FNBP1: variants seen among roughly 807,000 people sequenced by gnomAD.
FNBP1 encodes the protein formin binding protein 1.
In FNBP1, 26 loss-of-function variants were observed where a neutral mutation model predicts 90.6. That is an observed-to-expected ratio of 0.29 (90% confidence interval 0.21 to 0.40). The LOEUF (loss-of-function observed/expected upper bound fraction) is 0.40. Among genes scored for constraint, FNBP1 ranks in the 10% least tolerant of loss-of-function variants. FNBP1 has a pLI of 1.00. For missense variants in FNBP1, 635 were observed against 768.0 expected, an observed-to-expected ratio of 0.83 and a Z score of 2.05; for synonymous variants, 260 against 265.2, an observed-to-expected ratio of 0.98 and a Z score of 0.19.
chr9:130,030,187 C>T (rs977086589), intron 1 of FNBP1, among the ~76,000 whole-genome samples: 3 of 152,078 alleles, frequency 2.0e-5, no homozygotes, highest in African/African-American at 7.2e-5. Context: ...GTAATCCCAG[C>T]ACTTTGGGAG....
intron 6 of FNBP1, among the ~76,000 whole-genome samples, chr9:129,933,199 T>A (rs2043002511): frequency 6.6e-6 from 1 of 152,170 alleles, no homozygotes; most frequent in South Asian, 2.1e-4. Context: ...GCCATCATTA[T>A]ATATAATATG....
chr9:129,902,190 T>C (rs7035587), intron 13 of FNBP1, among the ~76,000 whole-genome samples: 85,290 of 151,948 alleles, frequency 0.56, 24,240 homozygotes, highest in East Asian at 0.78. Context: ...AACAATTGTA[T>C]ATTTCAGGGG....
intron 1 of FNBP1, among the ~76,000 whole-genome samples, chr9:130,001,361 T>G (rs2054828042): frequency 6.7e-6 from 1 of 149,808 alleles, no homozygotes; most frequent in Non-Finnish European, 1.5e-5. Flanking sequence ...AAGAATATAG[T>G]AGTTACCAGT....
At chr9:130,004,787 C>T (rs1204936454) in intron 1 of FNBP1, among the ~76,000 whole-genome samples, 6 of 151,994 alleles carry the variant, frequency 3.9e-5, no homozygotes, top group African/African-American at 9.7e-5. Flanking sequence ...CTTTACAGGC[C>T]GGGCGTGGTG....
the FNBP1 span, among the ~76,000 whole-genome samples, chr9:130,049,219 T>C: frequency 6.6e-6 from 1 of 152,044 alleles, no homozygotes; most frequent in Non-Finnish European, 1.5e-5. Context: ...AAAAACCTGG[T>C]GTCCACAAAA....
chr9:129,928,052 C>A (rs2042177914), intron 7 of FNBP1, among the ~76,000 whole-genome samples: 1 of 152,200 alleles, frequency 6.6e-6, no homozygotes, highest in Non-Finnish European at 1.5e-5. Context: ...GCTAGTGTAT[C>A]TTCCAACTAT....
chr9:130,052,919 A>C, the FNBP1 span, among the ~76,000 whole-genome samples: 39 of 151,902 alleles, frequency 2.6e-4, no homozygotes, highest in East Asian at 7.3e-3. Flanking sequence ...GTTCGAGACC[A>C]GCCTGGCCAA....
chr9:129,926,088 C>T (rs959841730), intron 8 of FNBP1, among the ~76,000 whole-genome samples: 1 of 152,058 alleles, frequency 6.6e-6, no homozygotes, highest in Admixed American at 6.6e-5. Flanking sequence ...TCTCGTGCCT[C>T]AGCCTCCCGA....
At chr9:130,003,651 C>T (rs987614043) in intron 1 of FNBP1, among the ~76,000 whole-genome samples, 5 of 150,418 alleles carry the variant, frequency 3.3e-5, no homozygotes, top group Admixed American at 6.6e-5. Flanking sequence ...TGGCCAGGCA[C>T]GGTGGCTCAC....
At chr9:130,011,900 A>T (rs1015517385) in intron 1 of FNBP1, among the ~76,000 whole-genome samples, 5 of 152,232 alleles carry the variant, frequency 3.3e-5, no homozygotes, top group Non-Finnish European at 7.3e-5. Flanking sequence ...TTTCTGGAGA[A>T]CAAAATTCTA....
intron 2 of FNBP1, among the ~76,000 whole-genome samples, chr9:129,993,824 C>A (rs994278575): frequency 2.0e-5 from 3 of 151,652 alleles, no homozygotes; most frequent in Non-Finnish European, 2.9e-5. Flanking sequence ...GGGGTTTCAC[C>A]ATGTTGGCCA....
At chr9:129,896,515 C>T (rs1273107987) in intron 15 of FNBP1, among the ~76,000 whole-genome samples, 1 of 152,164 alleles carries the variant, frequency 6.6e-6, no homozygotes, top group African/African-American at 2.4e-5. Context: ...TCCCGAGCAG[C>T]TGAGACTATA....
intron 1 of FNBP1, among the ~76,000 whole-genome samples, chr9:130,034,989 A>G (rs1036661422): frequency 6.6e-6 from 1 of 152,208 alleles, no homozygotes; most frequent in African/African-American, 2.4e-5. Context: ...TCTACAAAAA[A>G]AATACAAAAA....
In FNBP1 at chr9:129,966,476, C is replaced by A. The variant is rs2133118981; in HGVS notation, c.346-7923G>T. Reference sequence around the variant, plus strand: ...GGATGCAGTGGCTCACGCCTGTAATCCCAGCACTTTGGGAGGTCGAGATGG... The same window carrying A: ...GGATGCAGTGGCTCACGCCTGTAATACCAGCACTTTGGGAGGTCGAGATGG... On this transcript the variant is annotated intron_variant, in intron 4 of 16. Coordinates refer to ENST00000446176, the MANE Select transcript of FNBP1 (RefSeq NM_015033.3). This position sits in a 1 kb window ranked among gnomAD's most constrained non-coding sequence, Gnocchi z 4.3. 6.6e-6 allele frequency among the ~76,000 whole-genome samples: 1 copy of A among 152,238 alleles called. No homozygotes were observed. Among genetic ancestry groups the A allele is most frequent in the South Asian group, 2.1e-4 (1 of 4,830 alleles).
intron 4 of FNBP1, among the ~76,000 whole-genome samples, chr9:129,960,757 ATT>A (rs2047687611): frequency 6.6e-6 from 1 of 152,050 alleles, no homozygotes; most frequent in Admixed American, 6.6e-5. Context: ...AATCCTGGAG[ATT>A]ACTGCAACTT....
chr9:129,910,341 G>A (rs984076263), intron 11 of FNBP1, among the ~76,000 whole-genome samples: 2 of 152,048 alleles, frequency 1.3e-5, no homozygotes, highest in Non-Finnish European at 2.9e-5. Context: ...AACTAGCTGG[G>A]CGTGGTGGCG....
At chr9:129,954,992 C>CT (rs200658518) in intron 6 of FNBP1, among the ~76,000 whole-genome samples, 11,923 of 147,540 alleles carry the variant, frequency 0.081, 545 homozygotes, top group Admixed American at 0.13. Context: ...GAAACTTCGT[C>CT]CCAAAAAAAA....
chr9:129,896,793 G>A (rs183737047), intron 15 of FNBP1, among the ~76,000 whole-genome samples: 4 of 152,070 alleles, frequency 2.6e-5, no homozygotes, highest in Non-Finnish European at 4.4e-5. Context: ...CACCACGCCC[G>A]GCTAATTTTG....
In FNBP1 at chr9:129,900,615, G is replaced by A. The variant is rs1253412750; in HGVS notation, c.1429-68C>T. On this transcript the variant is annotated intron_variant, in intron 13 of 16. Coordinates refer to ENST00000446176, the MANE Select transcript of FNBP1 (RefSeq NM_015033.3). The surrounding 1 kb of genome is among the most constrained non-coding windows in gnomAD (Gnocchi z 4.1). ...GAGGGTCAGCCCAGAGTGTCCTAAG[G>A]TCCCAAAGGCCATCTGAGGGCCAGC... 1 of 1,370,804 alleles carries A rather than the reference G, an allele frequency of 7.3e-7. No individual in the cohort carries two copies. The highest frequency in any genetic ancestry group is 9.4e-7 in the Non-Finnish European group (1 of 1,061,026). 84.9% of individuals were successfully genotyped at this position (1,370,804 alleles called of 1,614,324 possible).
Sources: allele counts gnomAD v4.1 joint callset (sites outside exome capture counted in the v4.1 genomes callset), GRCh38; gene constraint gnomAD v4.1.1; non-coding constraint Gnocchi (gnomAD v3.1); transcripts MANE v1.5; gene names NCBI Gene and HGNC (gene_info 2026-07-23, HGNC 2026-07-21).